RARB: variants seen among roughly 807,000 people sequenced by gnomAD.
RARB encodes the protein HBV-activated protein.
RARB carries 17 observed loss-of-function variants against 51.9 expected under a neutral mutation model. That is an observed-to-expected ratio of 0.33 (90% CI 0.22 to 0.49). The LOEUF (loss-of-function observed/expected upper bound fraction) is 0.49. Among genes scored for constraint, RARB ranks in the 20% least tolerant of loss-of-function variants. The pLI is 0.99. For missense variants in RARB, 369 were observed against 550.8 expected (o/e 0.67, Z 3.30); for synonymous variants, 215 against 195.4 (o/e 1.10, Z -0.84).
intron 5 of RARB, among the ~76,000 whole-genome samples, chr3:25,218,386 T>C (rs1701879304): frequency 2.0e-5 from 3 of 151,804 alleles, no homozygotes; most frequent in Non-Finnish European, 4.4e-5. Flanking sequence ...CCCCTTTAAA[T>C]ACCCAGGGTG....
intron 5 of RARB, among the ~76,000 whole-genome samples, chr3:25,179,279 A>G (rs142157666): frequency 1.8e-4 from 27 of 152,280 alleles, no homozygotes; most frequent in African/African-American, 5.8e-4. Context: ...GTTAGGGACA[A>G]TTGGCTCAGA....
intron 4 of RARB, among the ~76,000 whole-genome samples, chr3:25,169,959 G>T (rs144807557): frequency 3.4e-5 from 5 of 148,018 alleles, no homozygotes; most frequent in Non-Finnish European, 7.4e-5. Flanking sequence ...CTGCACGCCA[G>T]CCTGGGTGAC....
intron 5 of RARB, among the ~76,000 whole-genome samples, chr3:25,199,729 A>G (rs1701342483): frequency 6.6e-6 from 1 of 152,042 alleles, no homozygotes; most frequent in South Asian, 2.1e-4. Flanking sequence ...GTTTGCTGAG[A>G]ATGATGGTTT....
intron 2 of RARB, among the ~76,000 whole-genome samples, chr3:24,947,525 C>T (rs966876694): frequency 1.3e-5 from 2 of 152,196 alleles, no homozygotes; most frequent in African/African-American, 2.4e-5. Flanking sequence ...AACGTCTCTT[C>T]CACTTCGTGG....
At chr3:24,889,315 A>T (rs1703326520) in intron 2 of RARB, among the ~76,000 whole-genome samples, 1 of 152,158 alleles carries the variant, frequency 6.6e-6, no homozygotes, top group African/African-American at 2.4e-5. Flanking sequence ...AGTTAACCTT[A>T]TGGCTTTAAG....
intron 5 of RARB, among the ~76,000 whole-genome samples, chr3:25,308,024 G>C (rs1440957927): frequency 6.6e-6 from 1 of 152,164 alleles, no homozygotes; most frequent in Non-Finnish European, 1.5e-5. Flanking sequence ...GCCAATCCCT[G>C]CCCTGTAGGA....
intron 4 of RARB, among the ~76,000 whole-genome samples, chr3:25,146,321 T>C (rs1413191816): frequency 3.3e-5 from 5 of 152,146 alleles, no homozygotes; most frequent in African/African-American, 1.2e-4. Context: ...TATTTGGGGC[T>C]ATGGGGGGAC....
intron 5 of RARB, among the ~76,000 whole-genome samples, chr3:25,353,094 T>C (rs1349657391): frequency 2.0e-5 from 3 of 152,022 alleles, no homozygotes; most frequent in Non-Finnish European, 4.4e-5. Context: ...CTAACTGCCT[T>C]TTGGAGATGT....
upstream of RARB, among the ~76,000 whole-genome samples, chr3:25,425,705 T>G (rs1306369751): frequency 1.3e-5 from 2 of 152,168 alleles, no homozygotes; most frequent in Admixed American, 6.5e-5. Context: ...ACACTAATGT[T>G]GTTATTTTTG....
intron 2 of RARB, among the ~76,000 whole-genome samples, chr3:25,015,756 T>C (rs1040176455): frequency 1.3e-5 from 2 of 152,204 alleles, no homozygotes; most frequent in African/African-American, 2.4e-5. Flanking sequence ...TTAGTGCTTT[T>C]AGACTATATG....
intron 4 of RARB, among the ~76,000 whole-genome samples, chr3:25,138,607 A>T (rs999467849): frequency 8.5e-5 from 13 of 152,244 alleles, no homozygotes; most frequent in South Asian, 2.1e-4. Context: ...AGGAAAAGAA[A>T]ATCAAGGTGG....
intron 3 of RARB, among the ~76,000 whole-genome samples, chr3:25,526,561 AAAAT>A (rs1477675287): frequency 2.0e-5 from 3 of 152,230 alleles, no homozygotes; most frequent in Non-Finnish European, 4.4e-5. Context: ...GTTAAATTTA[AAAAT>A]AAAGAGAAGT....
intron 5 of RARB, among the ~76,000 whole-genome samples, chr3:25,364,527 A>G (rs1408140039): frequency 2.0e-5 from 3 of 152,254 alleles, no homozygotes; most frequent in African/African-American, 4.8e-5. Context: ...TGTCCTAGGT[A>G]GAAAGAACAA....
chr3:25,147,841 T>G (rs1559483029), intron 4 of RARB, among the ~76,000 whole-genome samples: 1 of 152,240 alleles, frequency 6.6e-6, no homozygotes, highest in Non-Finnish European at 1.5e-5. Flanking sequence ...ATCCCTTCAA[T>G]AAAGCTTGGT....
intron 2 of RARB, among the ~76,000 whole-genome samples, chr3:24,880,948 T>C (rs377459312): frequency 2.0e-5 from 3 of 152,208 alleles, no homozygotes; most frequent in Admixed American, 2.0e-4. Flanking sequence ...GGATCTAATA[T>C]GGTTTGGCTC....
intron 2 of RARB, among the ~76,000 whole-genome samples, chr3:24,979,571 T>G (rs559402576): frequency 1.3e-5 from 2 of 152,146 alleles, no homozygotes; most frequent in African/African-American, 4.8e-5. Flanking sequence ...CCTCCTGTTT[T>G]TTTTGTTTTG....
chr3:24,928,032 G>T (rs1436950402), intron 2 of RARB, among the ~76,000 whole-genome samples: 1 of 152,036 alleles, frequency 6.6e-6, no homozygotes, highest in East Asian at 1.9e-4. Flanking sequence ...CACCCAAGGG[G>T]TTATAAATAT....
chr3:25,595,851 CCTGT>C (rs1701796983), intron 7 of RARB, among the ~76,000 whole-genome samples: 1 of 152,196 alleles, frequency 6.6e-6, no homozygotes, highest in Non-Finnish European at 1.5e-5. Context: ...CTGCCATCAA[CCTGT>C]CTTTTTCAAG....
At chr3:24,899,900 A>G (rs1212411929) in intron 2 of RARB, among the ~76,000 whole-genome samples, 1 of 146,082 alleles carries the variant, frequency 6.8e-6, no homozygotes, top group Non-Finnish European at 1.5e-5. Flanking sequence ...AGGAAGGGCA[A>G]ATGTTTAACC....
Sources: gnomAD v4.1 joint callset for allele counts (sites outside exome capture counted in the v4.1 genomes callset) on GRCh38, gnomAD v4.1.1 for gene constraint, MANE v1.5 for transcripts, NCBI Gene and HGNC (gene_info 2026-07-23, HGNC 2026-07-21) for gene names.